Variants in LY75 observed in about 807,000 individuals in gnomAD.
LY75 encodes the protein C-type lectin domain family 13 member B.
In LY75, 185 loss-of-function variants were observed where a neutral mutation model predicts 231.7. That is an observed-to-expected ratio of 0.80 (90% CI 0.71 to 0.90). The LOEUF is 0.90. LY75 is among the 40% of genes least tolerant of loss of function. LY75 has a pLI of 0.00. For synonymous variants in LY75, 668 were observed against 689.0 expected, an observed-to-expected ratio of 0.97 and a Z score of 0.48; for missense variants, 1,947 against 2,050.2, an observed-to-expected ratio of 0.95 and a Z score of 0.97.
chr2:159,900,166 CA>C (rs1336619101), intron 1 of LY75, among the ~76,000 whole-genome samples: 1 of 152,190 alleles, frequency 6.6e-6, no homozygotes, highest in African/African-American at 2.4e-5. Flanking sequence ...TGGCACTTTG[CA>C]TGAGCTGGCA....
At chr2:159,841,450 T>A (rs1264971523) in intron 24 of LY75, among the ~76,000 whole-genome samples, 2 of 152,076 alleles carry the variant, frequency 1.3e-5, no homozygotes, top group Non-Finnish European at 2.9e-5. Context: ...CAAAAAAAAA[T>A]TCTGCCAAAG....
chr2:159,858,347 A>C lies in LY75; in HGVS notation c.2383+15T>G. ...TAACATGAGAAGGTTGTGAAAAGGAATAACTACCACTTACCTTTTGGAATT... is the reference window on the plus strand; with the variant it reads ...TAACATGAGAAGGTTGTGAAAAGGACTAACTACCACTTACCTTTTGGAATT... On this transcript the variant is annotated intron_variant, in intron 16 of 34. Coordinates refer to ENST00000263636, the MANE Select transcript of LY75 (RefSeq NM_002349.4). 2 of 1,611,090 alleles carry C rather than the reference A, an allele frequency of 1.2e-6. No homozygotes were observed. Among genetic ancestry groups the C allele is most frequent in the Non-Finnish European group, 1.7e-6 (2 of 1,178,868 alleles).
At chr2:159,896,007 A>G (rs909514033) in intron 2 of LY75, among the ~76,000 whole-genome samples, 2 of 152,232 alleles carry the variant, frequency 1.3e-5, no homozygotes, top group Non-Finnish European at 2.9e-5. Flanking sequence ...CAGCTTTATT[A>G]TGCAATAGTT....
intron 6 of LY75, among the ~76,000 whole-genome samples, chr2:159,882,870 C>G (rs1685476609): frequency 6.6e-6 from 1 of 151,974 alleles, no homozygotes; most frequent in African/African-American, 2.4e-5. Context: ...AAAGGTTACC[C>G]CTGGACTTCT....
At chr2:159,872,292 G>A (rs1462080146) in intron 13 of LY75, 159 bp downstream of exon 13, 17 of 824,774 alleles carry the variant, frequency 2.1e-5, no homozygotes, top group Non-Finnish European at 1.8e-6. Context: ...CACATTAAGA[G>A]TGCTTAATGT....
Position 159,806,998 on chromosome 2 carries a change from T to C in LY75, c.4965A>G (p.Gly1655=), listed in dbSNP as rs1349133733. ...WKKVECEHGF[G]RVVCKVPLGP... ...CCAGAGGCACTTTGCAGACAACTCTTCCAAAACCATGTTCACATTCAACTT... is the reference window on the plus strand; with the variant it reads ...CCAGAGGCACTTTGCAGACAACTCTCCCAAAACCATGTTCACATTCAACTT... The change falls in exon 34 of 35, where the codon GGA becomes GGG. Residue 1655 remains glycine, a synonymous_variant. Transcript: ENST00000263636. 6.2e-7 allele frequency: 1 copy of C among 1,613,772 alleles called. No individual in the cohort carries two copies.
chr2:159,853,574 G>T, intron 19 of LY75, 56 bp downstream of exon 19: 2 of 1,607,324 alleles, frequency 1.2e-6, no homozygotes, highest in South Asian at 2.2e-5. Flanking sequence ...TTAGTAAAAG[G>T]AACTGCTTCT....
At chr2:159,891,850 C>G (rs1307724589) in intron 3 of LY75, among the ~76,000 whole-genome samples, 2 of 152,228 alleles carry the variant, frequency 1.3e-5, no homozygotes, top group African/African-American at 4.8e-5. Context: ...CAGGGGTTTA[C>G]ATTGGATTAC....
chr2:159,836,752 C>T (rs530617100), intron 25 of LY75, among the ~76,000 whole-genome samples: 4 of 152,328 alleles, frequency 2.6e-5, no homozygotes, highest in East Asian at 1.9e-4. Context: ...CTAACCTAAC[C>T]CAGTTAGGGC....
chr2:159,882,374 C>A, intron 6 of LY75, 59 bp from the exon 7 acceptor site: 2 of 1,551,064 alleles, frequency 1.3e-6, no homozygotes, highest in South Asian at 1.2e-5. Context: ...GAATCAATAA[C>A]ATTGCAAATT....
At position 159,904,678 on chromosome 2, in the gene LY75, C is replaced by G; in HGVS notation, c.5G>C (p.Arg2Thr). The G allele has an allele frequency of 6.9e-7, 1 of 1,455,682 alleles. No individual in the cohort carries two copies. Among genetic ancestry groups the G allele is most frequent in the Non-Finnish European group, 9.0e-7 (1 of 1,109,058 alleles). 90.2% of individuals were successfully genotyped at this position (1,455,682 alleles called of 1,614,324 possible). The stretch of plus-strand genomic sequence containing the variant: ...GCGGCGAGGGGTCGCCCAGCCTGTC[C>G]TCATCCTGAGCTGGCGCAAGCCTTC... M[R>T]TGWATPRRPA... Residue 2 changes from arginine to threonine, a missense_variant, in exon 1 of 35, where the codon AGG becomes ACG. Transcript: ENST00000263636.
At chr2:159,833,067 T>C (rs1683712936) in intron 27 of LY75, among the ~76,000 whole-genome samples, 2 of 152,072 alleles carry the variant, frequency 1.3e-5, no homozygotes, top group South Asian at 2.1e-4. Context: ...CACTTCCCCA[T>C]AGCCTAGCTT....
intron 28 of LY75, among the ~76,000 whole-genome samples, chr2:159,826,379 C>T (rs960846383): frequency 1.3e-5 from 2 of 152,030 alleles, no homozygotes; most frequent in Non-Finnish European, 2.9e-5. Flanking sequence ...GAATAAAATA[C>T]CTAGGAATAC....
At chr2:159,882,047 T>C in intron 7 of LY75, 77 bp downstream of exon 7, 2 of 1,497,296 alleles carry the variant, frequency 1.3e-6, no homozygotes, top group South Asian at 1.3e-5. Context: ...AAGCTTTTCA[T>C]TCCCACAAAG....
At chr2:159,882,100 A>C in intron 7 of LY75, 24 bp downstream of exon 7, 1 of 1,601,566 alleles carries the variant, frequency 6.2e-7, no homozygotes, top group East Asian at 2.2e-5. Context: ...AAGCCTCTCA[A>C]ATAGGGTATT....
In LY75 at chr2:159,872,583, G is replaced by A; in HGVS notation, c.1985C>T (p.Ala662Val). ...GTTCCTCTTTCTTACAATTCTTTCT[G>A]CATGGAATACCTTAGCAAAATATAA... is the stretch of plus-strand genomic sequence containing the variant. ...ASLSCYKVFH[A>V]ERIVRKRNWE... Residue 662 changes from alanine to valine, a missense_variant, in exon 13 of 35, where the codon GCA (alanine) becomes GTA (valine). Coordinates refer to ENST00000263636, the MANE Select transcript of LY75 (RefSeq NM_002349.4). The A allele has an allele frequency of 6.2e-7, 1 of 1,613,362 alleles. No individual in the cohort carries two copies. Among genetic ancestry groups the A allele is most frequent in the Non-Finnish European group, 8.5e-7 (1 of 1,179,718 alleles).
chr2:159,886,502 C>A lies in LY75; in HGVS notation c.831G>T (p.Trp277Cys), dbSNP rs138267797. 2.5e-6 allele frequency: 4 copies of A among 1,605,954 alleles called. No individual in the cohort carries two copies. Among genetic ancestry groups the A allele is most frequent in the Admixed American group, 1.7e-5 (1 of 59,460 alleles). The change falls in exon 5 of 35, where the codon TGG (tryptophan) becomes TGT (cysteine). Residue 277 changes from tryptophan to cysteine, a missense_variant. Coordinates refer to ENST00000263636, the MANE Select transcript of LY75 (RefSeq NM_002349.4). ...KEKEGIAKIF[W>C]IGLNQLYSAR... ...CAGAGTATAGCTGATTTAAACCAAT[C>A]CAGAAAATCTTAGCAATGCCTTCTT...
At chr2:159,886,052 C>T (rs923570225) in intron 5 of LY75, among the ~76,000 whole-genome samples, 2 of 152,060 alleles carry the variant, frequency 1.3e-5, no homozygotes, top group Admixed American at 6.6e-5. Context: ...TGAAAACGAG[C>T]GGATAATTCC....
chr2:159,806,864 A>C (rs1682809330), intron 34 of LY75, 109 bp downstream of exon 34: 1 of 1,321,278 alleles, frequency 7.6e-7, no homozygotes, highest in East Asian at 2.5e-5. Flanking sequence ...ATATACTTTA[A>C]GGACTAAATA....
Sources: gnomAD v4.1 joint callset for allele counts (sites outside exome capture counted in the v4.1 genomes callset) on GRCh38, gnomAD v4.1.1 for gene constraint, MANE v1.5 for transcripts, NCBI Gene and HGNC (gene_info 2026-07-23, HGNC 2026-07-21) for gene names.